CR1: variants seen among roughly 807,000 people sequenced by gnomAD.
The protein encoded by CR1 is complement receptor type 1.
In CR1, 116 loss-of-function variants were observed where a neutral mutation model predicts 187.3. The observed-to-expected ratio is 0.62, with a 90% confidence interval of 0.53 to 0.72. The LOEUF is 0.72. Ranked by LOEUF, CR1 falls within the 30% of genes least tolerant of loss-of-function variation. The probability of loss-of-function intolerance (pLI) is 0.00; values close to 1 mark genes in which losing one functional copy is unlikely to be tolerated. For synonymous variants in CR1, 576 were observed against 747.1 expected (o/e 0.77, Z 3.73); for missense variants, 1,731 against 2,110.7 (o/e 0.82, Z 3.52).
At chr1:207,588,628 G>A (rs757935620) in intron 34 of CR1, 47 bp from the exon 35 acceptor site, 1 of 1,290,188 alleles carries the variant, frequency 7.8e-7, no homozygotes, top group Admixed American at 1.8e-5. Context: ...CCTTACAAAG[G>A]TAAGTTGAAC....
chr1:207,625,905 T>C (rs1662466548), intron 45 of CR1, among the ~76,000 whole-genome samples: 1 of 152,188 alleles, frequency 6.6e-6, no homozygotes, highest in African/African-American at 2.4e-5. Flanking sequence ...ATTAGGGAAG[T>C]CACAAATCTC....
rs1173828408 is a variant in CR1, at chr1:207,623,039, C to G, written c.7323C>G (p.Leu2441=). Residue 2441 remains leucine (L), a synonymous_variant, in exon 45 of 47, where the codon CTC becomes CTG. Coordinates refer to ENST00000367049, the MANE Select transcript of CR1 (RefSeq NM_000651.6). ...TCTTTATTTTACTCATCATTTTCCT[C>G]TCTTGGATAATTCTAAAGCACAGAA... ...TIFFILLIIF[L]SWIILKHRKG... 9 of 1,581,450 alleles carry G rather than the reference C, an allele frequency of 5.7e-6. No homozygotes were observed. Among genetic ancestry groups the G allele is most frequent in the Non-Finnish European group, 7.8e-6 (9 of 1,160,934 alleles).
Position 207,506,838 on chromosome 1 carries a change from C to T in CR1, c.401+25C>T, listed in dbSNP as rs527773973. ...GGTGAGTTGGCATCTCTTGAACCAA[C>T]ATCTCTTGGTTCAAGAGTTCTAACA... is the stretch of plus-strand genomic sequence containing the variant. On this transcript the variant is annotated intron_variant, in intron 3 of 46. Transcript: ENST00000367049. The T allele has an allele frequency of 6.0e-5, 94 of 1,563,146 alleles. 2 individuals carry two copies. The South Asian group carries it at 9.6e-4, about 16-fold the overall frequency.
Position 207,581,369 on chromosome 1 carries a change from C to T in CR1, c.5217-549C>T, listed in dbSNP as rs559279894. Among the ~76,000 whole-genome samples, 61 of 130,292 alleles carry T rather than the reference C, an allele frequency of 4.7e-4. 1 individual carries two copies. The highest frequency in any genetic ancestry group is 6.8e-4 in the Non-Finnish European group (45 of 66,300). The allele number at this position is 130,292 out of a possible 152,430, so 85.5% of individuals were successfully genotyped here. A position where few individuals can be genotyped will look rare whatever the true frequency, so the allele number is the denominator to read the frequency against. On this transcript the variant is annotated intron_variant, in intron 31 of 46. Coordinates refer to ENST00000367049, the MANE Select transcript of CR1 (RefSeq NM_000651.6). ...ATACGTATACATGTCCATATGTATA[C>T]GTATATGTATACATATGTATATATA...
intron 1 of CR1, among the ~76,000 whole-genome samples, chr1:207,496,858 A>T (rs1399572029): frequency 1.3e-5 from 2 of 152,174 alleles, no homozygotes; most frequent in Non-Finnish European, 2.9e-5. Context: ...GTATCTCTGC[A>T]TCGTGGAGTT....
intron 35 of CR1, among the ~76,000 whole-genome samples, chr1:207,605,103 T>C (rs1661707974): frequency 6.6e-6 from 1 of 151,508 alleles, no homozygotes; most frequent in Non-Finnish European, 1.5e-5. Context: ...TACCAATAAA[T>C]ACAAAAATTA....
intron 4 of CR1, among the ~76,000 whole-genome samples, chr1:207,517,682 G>C (rs1172368121): frequency 6.6e-6 from 1 of 152,016 alleles, no homozygotes; most frequent in Admixed American, 6.6e-5. Flanking sequence ...TTTAATAGCT[G>C]TAAAACTATT....
At chr1:207,574,836 TAA>T (rs954896414) in intron 27 of CR1, among the ~76,000 whole-genome samples, 1 of 152,150 alleles carries the variant, frequency 6.6e-6, no homozygotes, top group Non-Finnish European at 1.5e-5. Context: ...GAAAAAATAA[TAA>T]GTTTAATTTC....
At chr1:207,566,197 G>A (rs1469772103) in intron 24 of CR1, among the ~76,000 whole-genome samples, 2 of 150,058 alleles carry the variant, frequency 1.3e-5, no homozygotes, top group African/African-American at 5.1e-5. Flanking sequence ...ATAATGTGAA[G>A]CTTTAACAAT....
At chr1:207,503,355 T>C (rs1659332812) in intron 1 of CR1, among the ~76,000 whole-genome samples, 2 of 152,248 alleles carry the variant, frequency 1.3e-5, no homozygotes, top group South Asian at 2.1e-4. Context: ...CTATTGCTGC[T>C]GTAACAAATT....
intron 32 of CR1, 114 bp from the exon 33 acceptor site, chr1:207,584,535 A>C: frequency 1.5e-6 from 2 of 1,297,070 alleles, no homozygotes; most frequent in Non-Finnish European, 2.1e-6. Context: ...TACTTTCCTT[A>C]AGAAGAAAAG....
intron 1 of CR1, among the ~76,000 whole-genome samples, chr1:207,505,413 C>T (rs1358892069): frequency 1.3e-5 from 2 of 152,188 alleles, no homozygotes; most frequent in East Asian, 1.9e-4. Context: ...ATCCACCCAC[C>T]TTGGCCTCTG....
At chr1:207,603,761 C>T (rs1661671576) in intron 35 of CR1, among the ~76,000 whole-genome samples, 1 of 152,084 alleles carries the variant, frequency 6.6e-6, no homozygotes, top group South Asian at 2.1e-4. Context: ...TAGTCCATAA[C>T]CTACCTAACA....
At chr1:207,564,353 G>A in intron 23 of CR1, 119 bp downstream of exon 23, 2 of 1,519,158 alleles carry the variant, frequency 1.3e-6, no homozygotes, top group East Asian at 2.3e-5. Context: ...CACCTTCAGA[G>A]AGATGAACTT....
At position 207,580,521 on chromosome 1, in the gene CR1, T is replaced by C; in HGVS notation, c.5124T>C (p.Cys1708=). ...PEAPRCAVKS[C]DDFLGQLPHG... ...TTTTTCTTCTTCTAGTGAAATCCTG[T>C]GATGACTTCTTGGGTCAACTCCCTC... is the stretch of plus-strand genomic sequence containing the variant. The change falls in exon 31 of 47, where the codon TGT becomes TGC. Residue 1708 remains cysteine (C), a synonymous_variant. Coordinates refer to ENST00000367049, the MANE Select transcript of CR1 (RefSeq NM_000651.6). 1 of 1,609,872 alleles carries C rather than the reference T, an allele frequency of 6.2e-7. No homozygotes were observed. Among genetic ancestry groups the C allele is most frequent in the Non-Finnish European group, 8.5e-7 (1 of 1,178,852 alleles).
At chr1:207,610,388 A>G (rs1661887004) in intron 37 of CR1, among the ~76,000 whole-genome samples, 1 of 152,168 alleles carries the variant, frequency 6.6e-6, no homozygotes, top group Admixed American at 6.5e-5. Flanking sequence ...GCTGGAGTAC[A>G]GTTGTACAAT....
At chr1:207,583,765 A>G (rs1218745359) in intron 32 of CR1, among the ~76,000 whole-genome samples, 1 of 152,206 alleles carries the variant, frequency 6.6e-6, no homozygotes, top group Non-Finnish European at 1.5e-5. Context: ...CTTCCCTGGA[A>G]TAGTTAAGAA....
chr1:207,564,199 G>T lies in CR1; in HGVS notation c.3831G>T (p.Gln1277His), dbSNP rs368907207. The T allele has an allele frequency of 1.7e-5, 27 of 1,588,354 alleles. No homozygotes were observed. In the African/African-American group the frequency reaches 4.0e-4, roughly 23 times the overall value. The part of the protein sequence containing the change: ...NGRVLFPVNL[Q>H]LGAKVDFVCD... The stretch of plus-strand genomic sequence containing the variant: ...GTGTGCTATTTCCAGTAAATCTCCA[G>T]CTTGGAGCAAAAGTGGATTTTGTTT... Residue 1277 changes from glutamine to histidine, a missense_variant, in exon 23 of 47, where the codon CAG becomes CAT. Around this residue, in one of 5 missense-constraint regions of CR1, gnomAD observed 34 missense variants for 79.5 expected, o/e 0.43. Coordinates refer to ENST00000367049, the MANE Select transcript of CR1 (RefSeq NM_000651.6).
At chr1:207,568,402 T>C (rs962119413) in intron 25 of CR1, among the ~76,000 whole-genome samples, 3 of 90,328 alleles carry the variant, frequency 3.3e-5, no homozygotes, top group African/African-American at 1.0e-4. Context: ...CCGCCCATGC[T>C]TGACAGCCTC....
Sources: gnomAD v4.1 joint callset for allele counts (sites outside exome capture counted in the v4.1 genomes callset) on GRCh38, gnomAD v4.1.1 for gene constraint, gnomAD v4.1.1 regional missense constraint, MANE v1.5 for transcripts, NCBI Gene and HGNC (gene_info 2026-07-23, HGNC 2026-07-21) for gene names.